The following AMBRA1 variants were observed in gnomAD, a reference collection of about 807,000 sequenced individuals.
AMBRA1 encodes the protein autophagy and beclin 1 regulator 1, also known as activating molecule in BECN1-regulated autophagy protein 1.
AMBRA1 carries 47 observed loss-of-function variants against 125.4 expected under a neutral mutation model. The ratio of observed to expected loss-of-function variants is 0.37; its 90% CI spans 0.30 to 0.48. The LOEUF is 0.48. AMBRA1 is among the 20% of genes least tolerant of loss of function. The pLI, the probability that AMBRA1 is intolerant of heterozygous loss-of-function variation, is 0.99. For missense variants in AMBRA1, 1,331 were observed against 1,693.4 expected (o/e 0.79, Z 3.76); for synonymous variants, 626 against 655.5 (o/e 0.95, Z 0.69).
intron 17 of AMBRA1, among the ~76,000 whole-genome samples, chr11:46,400,011 G>A (rs755127290): frequency 1.3e-5 from 2 of 152,236 alleles, no homozygotes; most frequent in African/African-American, 2.4e-5. Flanking sequence ...AGGAGCTAAC[G>A]CACAGCCCAG....
intron 1 of AMBRA1, among the ~76,000 whole-genome samples, chr11:46,582,807 A>G (rs964571078): frequency 6.6e-6 from 1 of 152,170 alleles, no homozygotes; most frequent in Non-Finnish European, 1.5e-5. Flanking sequence ...AAAGCATTCA[A>G]TAAGGACTGG....
At chr11:46,552,415 C>G (rs1347671941) in intron 1 of AMBRA1, among the ~76,000 whole-genome samples, 1 of 119,400 alleles carries the variant, frequency 8.4e-6, no homozygotes, top group Non-Finnish European at 1.6e-5. Flanking sequence ...AGGCCAGGCA[C>G]GGTAGCTCAC....
intron 17 of AMBRA1, among the ~76,000 whole-genome samples, chr11:46,406,571 T>C (rs1946033110): frequency 6.6e-6 from 1 of 151,748 alleles, no homozygotes; most frequent in Non-Finnish European, 1.5e-5. Flanking sequence ...CATACATATA[T>C]ACATACTACA....
intron 1 of AMBRA1, among the ~76,000 whole-genome samples, chr11:46,561,981 A>G (rs905374272): frequency 1.3e-5 from 2 of 152,228 alleles, no homozygotes; most frequent in Non-Finnish European, 2.9e-5. Context: ...GCACTGTTCT[A>G]GGCACTGAGG....
intron 14 of AMBRA1, among the ~76,000 whole-genome samples, chr11:46,419,995 T>C (rs889973522): frequency 1.6e-4 from 21 of 129,104 alleles, no homozygotes; most frequent in East Asian, 4.7e-4. Flanking sequence ...GTGTCCTCAA[T>C]ACACACACAC....
intron 7 of AMBRA1, among the ~76,000 whole-genome samples, chr11:46,518,885 T>C (rs1951636218): frequency 6.6e-6 from 1 of 152,196 alleles, no homozygotes; most frequent in Non-Finnish European, 1.5e-5. Context: ...TATTCTGAGT[T>C]ATGTGCAAAG....
chr11:46,468,926 C>G (rs1949453684), intron 11 of AMBRA1, among the ~76,000 whole-genome samples: 1 of 151,950 alleles, frequency 6.6e-6, no homozygotes, highest in East Asian at 1.9e-4. Flanking sequence ...GGTGGATCAC[C>G]TGAAGTCAGG....
At chr11:46,432,318 T>G (rs2136704068) in intron 14 of AMBRA1, among the ~76,000 whole-genome samples, 1 of 152,210 alleles carries the variant, frequency 6.6e-6, no homozygotes, top group Non-Finnish European at 1.5e-5. Flanking sequence ...AGCTTGCAGG[T>G]AGCTGGAGAT....
chr11:46,531,020 A>G (rs893635172), intron 7 of AMBRA1, among the ~76,000 whole-genome samples: 2 of 152,108 alleles, frequency 1.3e-5, no homozygotes, highest in Admixed American at 6.5e-5. Flanking sequence ...AGTAGTTGGG[A>G]AAACAGGTGC....
intron 11 of AMBRA1, among the ~76,000 whole-genome samples, chr11:46,456,289 T>C (rs1948839658): frequency 6.6e-6 from 1 of 152,182 alleles, no homozygotes; most frequent in South Asian, 2.1e-4. Context: ...TCAAAGCCTC[T>C]ACCTCTGACA....
chr11:46,564,574 GA>G (rs200963271), intron 1 of AMBRA1, among the ~76,000 whole-genome samples: 18 of 144,940 alleles, frequency 1.2e-4, no homozygotes, highest in South Asian at 4.4e-4. Flanking sequence ...TACAGAAAAA[GA>G]AAAAAAAAAG....
chr11:46,465,584 A>T (rs1478070381), intron 11 of AMBRA1, among the ~76,000 whole-genome samples: 1 of 152,180 alleles, frequency 6.6e-6, no homozygotes, highest in Non-Finnish European at 1.5e-5. Flanking sequence ...TCACAGAGGA[A>T]GCCTCTCTAG....
intron 9 of AMBRA1, among the ~76,000 whole-genome samples, chr11:46,498,102 G>T (rs1398451047): frequency 2.0e-5 from 3 of 152,208 alleles, no homozygotes; most frequent in South Asian, 4.1e-4. Context: ...TGGTCAGGCA[G>T]GCAGAGGCTG....
At chr11:46,558,717 T>C (rs188599525) in intron 1 of AMBRA1, among the ~76,000 whole-genome samples, 1 of 152,298 alleles carries the variant, frequency 6.6e-6, no homozygotes, top group African/African-American at 2.4e-5. Context: ...CAAAGATATC[T>C]CAAAATAAAT....
intron 7 of AMBRA1, among the ~76,000 whole-genome samples, chr11:46,535,051 A>G (rs892303504): frequency 1.3e-5 from 2 of 152,174 alleles, no homozygotes; most frequent in African/African-American, 2.4e-5. Flanking sequence ...AAGTTTGTTA[A>G]TTCCACCACA....
chr11:46,498,050 C>T (rs1256348474), intron 9 of AMBRA1, among the ~76,000 whole-genome samples: 1 of 152,040 alleles, frequency 6.6e-6, no homozygotes, highest in Non-Finnish European at 1.5e-5. Flanking sequence ...GATACAAGGT[C>T]GACATCAAGC....
rs17854361 is a variant in AMBRA1 at position 46,548,279 on chromosome 11, T to C, written c.102A>G (p.Glu34=). Residue 34 remains glutamate (E), a synonymous_variant, in exon 2 of 18, where the codon GAA becomes GAG. Coordinates refer to ENST00000683756, the MANE Select transcript of AMBRA1 (RefSeq NM_001387011.1). ...CCCATTTCATCCACCGGGTTTTATC[T>C]TCTACCAGCTCCTGCAGAAGCCGCT... ...GAQRLLQELV[E]DKTRWMKWEG... 1 of 1,614,200 alleles carries C rather than the reference T, an allele frequency of 6.2e-7. No individual in the cohort carries two copies. The highest frequency in any genetic ancestry group is 1.3e-5 in the African/African-American group (1 of 75,066).
intron 9 of AMBRA1, chr11:46,494,426 G>A: frequency 2.2e-6 from 1 of 460,104 alleles, no homozygotes; most frequent in Non-Finnish European, 4.0e-6. Flanking sequence ...GCTCAGGAAA[G>A]AGGAGGATTT....
chr11:46,547,977 T>C (rs2042877796), intron 2 of AMBRA1, 102 bp from the exon 3 acceptor site: 2 of 1,374,678 alleles, frequency 1.5e-6, no homozygotes, highest in South Asian at 1.2e-5. Flanking sequence ...GCATTCACAG[T>C]GTAGGCTTAA....
Sources: gnomAD v4.1 joint callset for allele counts (sites outside exome capture counted in the v4.1 genomes callset) on GRCh38, gnomAD v4.1.1 for gene constraint, MANE v1.5 for transcripts, NCBI Gene and HGNC (gene_info 2026-07-23, HGNC 2026-07-21) for gene names.